WEE1: variants seen among roughly 807,000 people sequenced by gnomAD.
The protein encoded by WEE1 is WEE1 G2 checkpoint kinase, also known as wee1-like protein kinase.
WEE1 carries 16 observed loss-of-function variants against 68.8 expected under a neutral mutation model. The observed-to-expected ratio is 0.23, with a 90% CI of 0.16 to 0.35. The LOEUF is 0.35. WEE1 is among the 10% of genes least tolerant of loss of function. The pLI is 1.00. For synonymous variants in WEE1, 349 were observed against 318.7 expected, an observed-to-expected ratio of 1.09 and a Z score of -1.01; for missense variants, 651 against 824.1, an observed-to-expected ratio of 0.79 and a Z score of 2.57.
Position 9,588,420 on chromosome 11 carries a change from T to A in WEE1, c.1788-29T>A, listed in dbSNP as rs575416083. 4.0e-6 allele frequency: 6 copies of A among 1,509,722 alleles called. No individual in the cohort carries two copies. The African/African-American group carries it at 8.4e-5, about 21-fold the overall frequency. The allele number at this position is 1,509,722 out of a possible 1,614,324, so 93.5% of individuals were successfully genotyped here. Reference sequence around the variant, plus strand: ...GTTTCTTAGAATCTCTTCCTAGGAATAATACCTTGTTTTCTATTTTTATGT... The same window carrying A: ...GTTTCTTAGAATCTCTTCCTAGGAAAAATACCTTGTTTTCTATTTTTATGT... On this transcript the variant is annotated intron_variant, in intron 10 of 10. Coordinates refer to ENST00000450114, the MANE Select transcript of WEE1 (RefSeq NM_003390.4).
intron 6 of WEE1, among the ~76,000 whole-genome samples, chr11:9,584,890 CAT>C (rs1446293932): frequency 6.6e-6 from 1 of 152,130 alleles, no homozygotes; most frequent in African/African-American, 2.4e-5. Flanking sequence ...GCCTGGCCAA[CAT>C]AGTGAAACCC....
Position 9,585,279 on chromosome 11 carries a change from C to A in WEE1, c.1310C>A (p.Thr437Asn), listed in dbSNP as rs1282895147. 6 of 1,613,776 alleles carry A rather than the reference C, an allele frequency of 3.7e-6. No homozygotes were observed. The highest frequency in any genetic ancestry group is 4.2e-6 in the Non-Finnish European group (5 of 1,179,890). ...ACAGGTAATATTTTCATATCTCGAA[C>A]CTCAATCCCAAATGCTGCCTCTGAA... ...IKPSNIFISR[T>N]SIPNAASEEG... The change falls in exon 7 of 11, where the codon ACC becomes AAC. Residue 437 changes from threonine (T) to asparagine (N), a missense_variant. Thr to Asn is a moderately conservative substitution (Grantham distance 65). Around this residue, in one of 5 missense-constraint regions of WEE1, gnomAD observed 82 missense variants for 123.2 expected, o/e 0.67. Transcript: ENST00000450114.
At chr11:9,585,189 A>G in intron 6 of WEE1, 69 bp from the exon 7 acceptor site, 5 of 1,200,424 alleles carry the variant, frequency 4.2e-6, no homozygotes, top group Admixed American at 1.8e-5. Flanking sequence ...TGATTCTGGT[A>G]TATGATCTTG....
At chr11:9,575,777 T>C in intron 1 of WEE1, 111 bp from the exon 2 acceptor site, 2 of 851,718 alleles carry the variant, frequency 2.3e-6, no homozygotes, top group South Asian at 3.4e-5. Context: ...GCTTGTGTGT[T>C]GCTTTCACCT....
At chr11:9,577,864 A>G (rs1165400236) in intron 5 of WEE1, 1 of 456,116 alleles carries the variant, frequency 2.2e-6, no homozygotes, top group African/African-American at 2.0e-5. Flanking sequence ...TATAGATTCA[A>G]GTTTGGATGT....
intron 6 of WEE1, among the ~76,000 whole-genome samples, chr11:9,582,283 T>G (rs1294995717): frequency 6.6e-6 from 1 of 152,222 alleles, no homozygotes; most frequent in Non-Finnish European, 1.5e-5. Flanking sequence ...TTTGTAAAAA[T>G]AATATACACT....
Position 9,574,723 on chromosome 11 carries a change from C to T in WEE1, c.576+214C>T. 9.4e-7 allele frequency: 1 copy of T among 1,061,464 alleles called. No individual in the cohort carries two copies. The highest frequency in any genetic ancestry group is 1.7e-5 in the African/African-American group (1 of 59,308). 65.8% of individuals were successfully genotyped at this position (1,061,464 alleles called of 1,614,324 possible). On this transcript the variant is annotated intron_variant, in intron 1 of 10. Transcript: ENST00000450114. The surrounding 1 kb of genome is among the most constrained non-coding windows in gnomAD (Gnocchi z 4.9). ...CAATGGGCCTCGTCTGGAACTTCAT[C>T]TTACAAAGGGGCCGATCGGCCCGTC...
intron 5 of WEE1, chr11:9,579,088 G>T (rs1036941591): frequency 2.0e-5 from 3 of 151,950 alleles, no homozygotes; most frequent in African/African-American, 7.3e-5. Flanking sequence ...TGTATTTTTA[G>T]TAGAGATGGG....
intron 10 of WEE1, among the ~76,000 whole-genome samples, chr11:9,588,167 A>G (rs1849723773): frequency 2.0e-5 from 3 of 152,174 alleles, no homozygotes; most frequent in Non-Finnish European, 2.9e-5. Context: ...GGTGTGAGTC[A>G]CCACATCCAG....
At chr11:9,578,242 CTTA>C (rs1177626143) in intron 5 of WEE1, 2 of 173,644 alleles carry the variant, frequency 1.2e-5, no homozygotes, top group South Asian at 2.5e-4. Context: ...TTTGTTGATT[CTTA>C]TTATTCCTTA....
rs757695369 is a variant in WEE1 at position 9,575,902 on chromosome 11, A to G, written c.591A>G (p.Lys197=). 2.9e-5 allele frequency: 47 copies of G among 1,614,014 alleles called. 1 individual carries two copies. In the South Asian group the frequency reaches 5.1e-4, roughly 17 times the overall value. ...TPHTPKSLLS[K]ARGIDSSSVK... is the part of the protein sequence containing the mutation. ...TCTTTCCCTAGAGTTTGCTCTCCAA[A>G]GCTCGGGGAATTGATTCCAGCTCTG... Residue 197 remains lysine (K), a synonymous_variant, in exon 2 of 11, where the codon AAA becomes AAG. Coordinates refer to ENST00000450114, the MANE Select transcript of WEE1 (RefSeq NM_003390.4).
At position 9,573,831 on chromosome 11, in the gene WEE1, A is replaced by C; in HGVS notation, c.-103A>C. Reference sequence around the variant, plus strand: ...GCGCAGAGACGCCGCGGCTGCGACTAGGCGCGCCCAGCCGCACGTGGCGGA... The same window carrying C: ...GCGCAGAGACGCCGCGGCTGCGACTCGGCGCGCCCAGCCGCACGTGGCGGA... On this transcript the variant is annotated 5_prime_UTR_variant, in exon 1 of 11. Coordinates refer to ENST00000450114, the MANE Select transcript of WEE1 (RefSeq NM_003390.4). 2.1e-6 allele frequency: 2 copies of C among 961,746 alleles called. No homozygotes were observed. The highest frequency in any genetic ancestry group is 1.7e-5 in the African/African-American group (1 of 57,390). 59.6% of individuals were successfully genotyped at this position (961,746 alleles called of 1,614,324 possible). A position where few individuals can be genotyped will look rare whatever the true frequency, so the allele number is the denominator to read the frequency against.
intron 8 of WEE1, 39 bp from the exon 9 acceptor site, chr11:9,586,410 A>G (rs1450948118): frequency 6.4e-7 from 1 of 1,563,216 alleles, no homozygotes; most frequent in Non-Finnish European, 8.7e-7. Flanking sequence ...TATTTTGACC[A>G]TGTTTACATT....
At position 9,574,305 on chromosome 11, in the gene WEE1, G is replaced by C. The variant is rs751846658; in HGVS notation, c.372G>C (p.Pro124=). 1.6e-4 allele frequency: 198 copies of C among 1,266,336 alleles called. 1 individual carries two copies. The highest frequency in any genetic ancestry group is 1.9e-4 in the Non-Finnish European group (192 of 1,004,870). The allele number at this position is 1,266,336 out of a possible 1,614,324, so 78.4% of individuals were successfully genotyped here. Residue 124 remains proline (P), a synonymous_variant, in exon 1 of 11, where the codon CCG becomes CCC. Coordinates refer to ENST00000450114, the MANE Select transcript of WEE1 (RefSeq NM_003390.4). The surrounding 1 kb of genome is among the most constrained non-coding windows in gnomAD (Gnocchi z 4.9). ...WEEEGFGSSS[P]VKSPAAPYFL... is the part of the protein sequence containing the mutation. The stretch of plus-strand genomic sequence containing the variant: ...AGGAGGGCTTCGGCTCCTCGTCGCC[G>C]GTCAAGTCGCCGGCGGCCCCCTACT...
Position 9,588,613 on chromosome 11 carries a change from T to G in WEE1, c.*11T>G, listed in dbSNP as rs746339662. On this transcript the variant is annotated 3_prime_UTR_variant, in exon 11 of 11. Transcript: ENST00000450114. ...CTTACTATATACTGAGCTACTCCTTTCCCACCTCCCCCTGAACACTGTGAC... is the reference window on the plus strand; with the variant it reads ...CTTACTATATACTGAGCTACTCCTTGCCCACCTCCCCCTGAACACTGTGAC... The G allele has an allele frequency of 3.9e-6, 6 of 1,549,530 alleles. No homozygotes were observed. In the Admixed American group the frequency reaches 1.3e-4, roughly 33 times the overall value.
intron 1 of WEE1, chr11:9,575,145 T>G (rs1330036206): frequency 1.0e-6 from 1 of 985,494 alleles, no homozygotes; most frequent in Non-Finnish European, 1.2e-6. Flanking sequence ...GCATTTGTTT[T>G]TATCGTGGGT....
rs757210259 is a variant in WEE1 at position 9,586,705 on chromosome 11, T to C, written c.1642-6T>C. On this transcript the variant is annotated splice_region_variant and splice_polypyrimidine_tract_variant and intron_variant, in intron 9 of 10. Transcript: ENST00000450114. ...TCTTTACCTTCATTTTACTTTTCTT[T>C]TTAAGGTTATGATTCATCCAGATCC... The C allele has an allele frequency of 1.2e-5, 19 of 1,611,804 alleles. No individual in the cohort carries two copies. The highest frequency in any genetic ancestry group is 1.6e-5 in the Non-Finnish European group (19 of 1,179,548).
intron 6 of WEE1, 108 bp downstream of exon 6, chr11:9,581,786 G>C: frequency 8.8e-7 from 1 of 1,132,562 alleles, no homozygotes. Context: ...CTCATTGTTA[G>C]TTTTAAAAGG....
In WEE1 at chr11:9,583,184, G is replaced by A. The variant is rs148914400; in HGVS notation, c.1288+1506G>A. 7.3e-3 allele frequency among the ~76,000 whole-genome samples: 1,106 copies of A among 152,044 alleles called. 16 individuals carry two copies. The highest frequency in any genetic ancestry group is 0.026 in the African/African-American group (1,058 of 41,480). Reference sequence around the variant, plus strand: ...AAAAATTAGCCAGGTGTAGTGGTGCGCACCTATAGTCCTAGTTACTCGGGA... The same window carrying A: ...AAAAATTAGCCAGGTGTAGTGGTGCACACCTATAGTCCTAGTTACTCGGGA... On this transcript the variant is annotated intron_variant, in intron 6 of 10. Transcript: ENST00000450114.
Sources: gnomAD v4.1 joint callset for allele counts (sites outside exome capture counted in the v4.1 genomes callset) on GRCh38, gnomAD v4.1.1 for gene constraint, gnomAD v4.1.1 regional missense constraint, Gnocchi (gnomAD v3.1) non-coding constraint, MANE v1.5 for transcripts, NCBI Gene and HGNC (gene_info 2026-07-23, HGNC 2026-07-21) for gene names.